Variants in SENP6 observed in about 807,000 individuals in gnomAD.
SENP6 encodes the protein SUMO specific peptidase 6, also known as sentrin-specific protease 6.
Under a neutral mutation model 134.5 loss-of-function variants are expected in SENP6, and 41 were observed. That is an observed-to-expected ratio of 0.30 (90% CI 0.24 to 0.40). SENP6 has a LOEUF of 0.40. Ranked by LOEUF, SENP6 falls within the 10% of genes least tolerant of loss-of-function variation. The pLI is 1.00. For missense variants in SENP6, 1,248 were observed against 1,312.5 expected (o/e 0.95, Z 0.76); for synonymous variants, 395 against 429.8 (o/e 0.92, Z 1.00).
At chr6:75,676,113 G>A (rs1773068509) in intron 13 of SENP6, 59 bp downstream of exon 13, 7 of 1,157,578 alleles carry the variant, frequency 6.0e-6, no homozygotes, top group Non-Finnish European at 8.3e-6. Context: ...TACAATATCT[G>A]TTAAATAGCA....
intron 14 of SENP6, chr6:75,677,631 TG>T: frequency 6.1e-6 from 1 of 164,580 alleles, no homozygotes; most frequent in South Asian, 1.6e-4. Flanking sequence ...TGGTCCGTGG[TG>T]TACATTTGTA....
At chr6:75,707,830 C>T (rs1775506260) in intron 19 of SENP6, among the ~76,000 whole-genome samples, 1 of 151,830 alleles carries the variant, frequency 6.6e-6, no homozygotes, top group African/African-American at 2.4e-5. Flanking sequence ...CCACAGGTGC[C>T]CACCACTACA....
At chr6:75,713,379 C>A in intron 21 of SENP6, 134 bp from the exon 22 acceptor site, 1 of 619,676 alleles carries the variant, frequency 1.6e-6, no homozygotes, top group East Asian at 2.8e-5. Context: ...TTTTTTTTCC[C>A]TCAGTAGTAC....
At chr6:75,676,621 A>C (rs576332084) in intron 13 of SENP6, 123 of 157,794 alleles carry the variant, frequency 7.8e-4, no homozygotes, top group Non-Finnish European at 1.3e-3. Context: ...AAGAGTTGGC[A>C]CATTAGTGAA....
chr6:75,608,548 GA>G (rs1407609449), intron 1 of SENP6, among the ~76,000 whole-genome samples: 10 of 151,912 alleles, frequency 6.6e-5, no homozygotes, highest in African/African-American at 2.4e-4. Context: ...GGAAAGAAAG[GA>G]AGAAAGAAAG....
intron 7 of SENP6, among the ~76,000 whole-genome samples, chr6:75,658,004 A>G (rs142736822): frequency 2.4e-4 from 36 of 152,250 alleles, no homozygotes; most frequent in African/African-American, 8.4e-4. Flanking sequence ...ATGATTTTTA[A>G]CTAGATCACT....
intron 4 of SENP6, 104 bp downstream of exon 4, chr6:75,633,830 T>A: frequency 1.0e-6 from 1 of 979,066 alleles, no homozygotes; most frequent in Non-Finnish European, 1.4e-6. Context: ...TCTTCTGAAT[T>A]TGTCTATAGG....
chr6:75,694,645 T>G (rs1425035078), intron 16 of SENP6, among the ~76,000 whole-genome samples: 1 of 152,192 alleles, frequency 6.6e-6, no homozygotes, highest in Non-Finnish European at 1.5e-5. Context: ...AACCATAAAA[T>G]GTGTGGTTTT....
At chr6:75,671,150 G>T (rs1348878775) in intron 11 of SENP6, among the ~76,000 whole-genome samples, 1 of 152,166 alleles carries the variant, frequency 6.6e-6, no homozygotes, top group Non-Finnish European at 1.5e-5. Context: ...AAAGGACTTT[G>T]TGTACTTTAT....
At chr6:75,621,326 T>A (rs943809512) in intron 1 of SENP6, among the ~76,000 whole-genome samples, 2 of 152,220 alleles carry the variant, frequency 1.3e-5, no homozygotes, top group Middle Eastern at 3.2e-3. Flanking sequence ...AGCAAGCACA[T>A]GTATGGATGA....
chr6:75,693,687 G>A (rs1774452941), intron 16 of SENP6, among the ~76,000 whole-genome samples: 1 of 152,100 alleles, frequency 6.6e-6, no homozygotes, highest in Non-Finnish European at 1.5e-5. Flanking sequence ...TGGAATTATT[G>A]CATATTAGTG....
At chr6:75,710,067 A>G (rs1318134223) in intron 20 of SENP6, among the ~76,000 whole-genome samples, 2 of 152,188 alleles carry the variant, frequency 1.3e-5, no homozygotes, top group African/African-American at 4.8e-5. Context: ...CTTTCAAAGC[A>G]TTTATGGGTC....
intron 16 of SENP6, among the ~76,000 whole-genome samples, chr6:75,686,808 T>C (rs1452207645): frequency 2.0e-5 from 3 of 152,216 alleles, no homozygotes; most frequent in African/African-American, 7.2e-5. Context: ...AATCAACCTT[T>C]CTCTCTGGCT....
chr6:75,711,406 A>G lies in SENP6; in HGVS notation c.2899A>G (p.Ile967Val), dbSNP rs769794790. 1.3e-5 allele frequency: 21 copies of G among 1,607,250 alleles called. No homozygotes were observed. The highest frequency in any genetic ancestry group is 1.2e-4 in the Admixed American group (7 of 59,822). Residue 967 changes from isoleucine to valine, a missense_variant, in exon 21 of 24, where the codon ATC becomes GTC. This residue lies in a region of SENP6 where 386 missense variants were observed against 395.0 expected (regional missense o/e 0.98). Transcript: ENST00000447266. ...AGGACAGTGGCATTTAAAGCCTACTATCTGTAAACAGTAAGCATTAACTGT... is the reference window on the plus strand; with the variant it reads ...AGGACAGTGGCATTTAAAGCCTACTGTCTGTAAACAGTAAGCATTAACTGT... ...EIGQWHLKPT[I>V]CKQPCILLMD...
rs182092360 is a variant in SENP6, at chr6:75,640,853, A to G, written c.479+149A>G. Reference sequence around the variant, plus strand: ...TTTAGTTGACATGTAATAATTGTACATATTTATAGGATACAGAGTAATATA... The same window carrying G: ...TTTAGTTGACATGTAATAATTGTACGTATTTATAGGATACAGAGTAATATA... On this transcript the variant is annotated intron_variant, in intron 6 of 23. Transcript: ENST00000447266. 2.2e-5 allele frequency: 10 copies of G among 460,774 alleles called. No homozygotes were observed. The South Asian group carries it at 3.4e-4, about 16-fold the overall frequency. 28.5% of individuals were successfully genotyped at this position (460,774 alleles called of 1,614,324 possible).
intron 10 of SENP6, among the ~76,000 whole-genome samples, chr6:75,669,453 A>AT (rs907292375): frequency 1.4e-3 from 205 of 150,172 alleles, no homozygotes; most frequent in African/African-American, 4.5e-3. Flanking sequence ...TTTAAAATAC[A>AT]TTTTTTTTTT....
At position 75,716,958 on chromosome 6, in the gene SENP6, A is replaced by G. The variant is rs1776048891; in HGVS notation, c.*1364A>G. 6.6e-6 allele frequency: 1 copy of G among 151,992 alleles called. No homozygotes were observed. The highest frequency in any genetic ancestry group is 2.1e-4 in the South Asian group (1 of 4,834). 9.4% of individuals were successfully genotyped at this position (151,992 alleles called of 1,614,324 possible). A position where few individuals can be genotyped will look rare whatever the true frequency, so the allele number is the denominator to read the frequency against. Reference sequence around the variant, plus strand: ...GGGTGGGTTCAGGGTGAATGGGAGTATTAACAACAACCAAAAAATATCTAT... The same window carrying G: ...GGGTGGGTTCAGGGTGAATGGGAGTGTTAACAACAACCAAAAAATATCTAT... On this transcript the variant is annotated 3_prime_UTR_variant, in exon 24 of 24. Coordinates refer to ENST00000447266, the MANE Select transcript of SENP6 (RefSeq NM_015571.4).
Position 75,663,499 on chromosome 6 carries a change from G to A in SENP6, c.975G>A (p.Leu325=). 6.2e-7 allele frequency: 1 copy of A among 1,610,516 alleles called. No individual in the cohort carries two copies. ...ITNLKERKTS[L]SDLNDPIILS... The stretch of plus-strand genomic sequence containing the variant: ...ACTTGAAAGAAAGGAAAACAAGTTT[G>A]TCAGACCTAAATGATCCAAGTAAGT... The change falls in exon 9 of 24, where the codon TTG becomes TTA. Residue 325 remains leucine, a synonymous_variant. Coordinates refer to ENST00000447266, the MANE Select transcript of SENP6 (RefSeq NM_015571.4).
At chr6:75,663,639 T>C in intron 9 of SENP6, 121 bp downstream of exon 9, 1 of 750,354 alleles carries the variant, frequency 1.3e-6, no homozygotes. Context: ...TTAAAACTAA[T>C]CTTGTTCTCA....
Sources: gnomAD v4.1 joint callset for allele counts (sites outside exome capture counted in the v4.1 genomes callset) on GRCh38, gnomAD v4.1.1 for gene constraint, gnomAD v4.1.1 regional missense constraint, MANE v1.5 for transcripts, NCBI Gene and HGNC (gene_info 2026-07-23, HGNC 2026-07-21) for gene names.